The following CNKSR3 variants were observed in gnomAD, a reference collection of about 807,000 sequenced individuals.
CNKSR3 encodes connector enhancer of kinase suppressor of ras 3.
CNKSR3 carries 36 observed loss-of-function variants against 67.7 expected under a neutral mutation model. The observed-to-expected ratio is 0.53, with a 90% CI of 0.41 to 0.70. CNKSR3 has a LOEUF of 0.70. CNKSR3 is among the 30% of genes least tolerant of loss of function. The probability of loss-of-function intolerance (pLI) is 0.00; values close to 1 mark genes in which losing one functional copy is unlikely to be tolerated. For missense variants in CNKSR3, 630 were observed against 695.2 expected (o/e 0.91, Z 1.05); for synonymous variants, 281 against 271.4 (o/e 1.04, Z -0.35).
At chr6:154,496,988 G>A (rs1213188192) in intron 1 of CNKSR3, among the ~76,000 whole-genome samples, 1 of 152,116 alleles carries the variant, frequency 6.6e-6, no homozygotes, top group Non-Finnish European at 1.5e-5. Flanking sequence ...TTAACTCTAA[G>A]ATGAAGATGA....
intron 9 of CNKSR3, among the ~76,000 whole-genome samples, chr6:154,419,104 A>G (rs970234632): frequency 6.7e-6 from 1 of 150,212 alleles, no homozygotes; most frequent in African/African-American, 2.5e-5. Context: ...CGGTGGTACA[A>G]TCAAGGCTCA....
chr6:154,492,997 AC>A (rs200163284), intron 1 of CNKSR3, among the ~76,000 whole-genome samples: 1,940 of 152,052 alleles, frequency 0.013, 43 homozygotes, highest in African/African-American at 0.045. Flanking sequence ...CCCTGATCCC[AC>A]CCTTGCAAAG....
chr6:154,437,754 G>GCGCTTGT (rs747424825), intron 4 of CNKSR3, among the ~76,000 whole-genome samples: 9,728 of 151,928 alleles, frequency 0.064, 317 homozygotes, highest in African/African-American at 0.077. Flanking sequence ...CTTGTCAAGA[G>GCGCTTGT]CACTTGTCAA....
intron 1 of CNKSR3, among the ~76,000 whole-genome samples, chr6:154,464,907 C>A (rs983213734): frequency 6.6e-6 from 1 of 151,404 alleles, no homozygotes; most frequent in African/African-American, 2.4e-5. Context: ...TTTGGGAAGC[C>A]AAGGTGGGTG....
At position 154,390,699 on chromosome 6, in the gene CNKSR3, A is replaced by G. The variant is rs1005543579; in HGVS notation, c.*15655T>C. 6.6e-6 allele frequency: 1 copy of G among 151,936 alleles called. No individual in the cohort carries two copies. The highest frequency in any genetic ancestry group is 2.4e-5 in the African/African-American group (1 of 41,316). The allele number at this position is 151,936 out of a possible 1,614,324, so 9.4% of individuals were successfully genotyped here. A position where few individuals can be genotyped will look rare whatever the true frequency, so the allele number is the denominator to read the frequency against. On this transcript the variant is annotated 3_prime_UTR_variant, in exon 13 of 13. Transcript: ENST00000607772. ...TTTGTTGGGGCTGCCATAACAAAAT[A>G]CCACAGACTGGGTAGCTTAAACAAC...
intron 1 of CNKSR3, among the ~76,000 whole-genome samples, chr6:154,468,607 C>T (rs537653916): frequency 2.6e-5 from 4 of 152,216 alleles, no homozygotes; most frequent in African/African-American, 7.2e-5. Context: ...AATTAGGGAT[C>T]TCATCTGTCT....
In CNKSR3 at chr6:154,398,002, A is replaced by G. The variant is rs186962740; in HGVS notation, c.*8352T>C. 1.3e-5 allele frequency: 2 copies of G among 152,424 alleles called. No homozygotes were observed. The highest frequency in any genetic ancestry group is 3.9e-4 in the East Asian group (2 of 5,192). 9.4% of individuals were successfully genotyped at this position (152,424 alleles called of 1,614,324 possible). ...ATGGTCTCTGTCCTCAGGGCATTGC[A>G]ACCCATTAGGCTGAATCATATGAAC... On this transcript the variant is annotated 3_prime_UTR_variant, in exon 13 of 13. Coordinates refer to ENST00000607772, the MANE Select transcript of CNKSR3 (RefSeq NM_173515.4).
intron 2 of CNKSR3, among the ~76,000 whole-genome samples, chr6:154,448,697 C>T (rs1785761087): frequency 6.6e-6 from 1 of 152,166 alleles, no homozygotes. Context: ...GCTCATTTAT[C>T]AACTACAAAT....
At chr6:154,452,278 C>T (rs181370105) in intron 1 of CNKSR3, among the ~76,000 whole-genome samples, 10 of 152,302 alleles carry the variant, frequency 6.6e-5, no homozygotes, top group South Asian at 4.1e-4. Flanking sequence ...TGCATTTTCT[C>T]GCAAACACGA....
At position 154,424,309 on chromosome 6, in the gene CNKSR3, T is replaced by C. The variant is rs1008444203; in HGVS notation, c.730-1326A>G. On this transcript the variant is annotated intron_variant, in intron 7 of 12. Transcript: ENST00000607772. Reference sequence around the variant, plus strand: ...TTTGTCAAATATTTTGCTCATGGTGTTCTTGTTCATATCAGCCACCTAGCC... The same window carrying C: ...TTTGTCAAATATTTTGCTCATGGTGCTCTTGTTCATATCAGCCACCTAGCC... Among the ~76,000 whole-genome samples the C allele has an allele frequency of 9.9e-5, 15 of 152,218 alleles. 2 individuals carry two copies. Among genetic ancestry groups the C allele is most frequent in the Admixed American group, 1.3e-4 (2 of 15,280 alleles).
At position 154,510,137 on chromosome 6, in the gene CNKSR3, T is replaced by G. The variant is rs1261095068; in HGVS notation, c.-23A>C. 6.2e-7 allele frequency: 1 copy of G among 1,613,960 alleles called. No individual in the cohort carries two copies. The highest frequency in any genetic ancestry group is 8.5e-7 in the Non-Finnish European group (1 of 1,179,880). ...CATGGTAAACCGCTTCGCCTCTCGC[T>G]GGGCTGGAGAGTCGCAGATAAAGTG... On this transcript the variant is annotated 5_prime_UTR_variant, in exon 1 of 13. Coordinates refer to ENST00000607772, the MANE Select transcript of CNKSR3 (RefSeq NM_173515.4).
At chr6:154,473,151 A>G (rs919952441) in intron 1 of CNKSR3, among the ~76,000 whole-genome samples, 2 of 152,244 alleles carry the variant, frequency 1.3e-5, no homozygotes, top group Non-Finnish European at 2.9e-5. Context: ...TCAAAGTCAC[A>G]CAGCTAATCT....
chr6:154,457,600 A>T (rs1341457808), intron 1 of CNKSR3, among the ~76,000 whole-genome samples: 2 of 152,078 alleles, frequency 1.3e-5, no homozygotes, highest in Non-Finnish European at 2.9e-5. Flanking sequence ...AATCCCAGCT[A>T]CAGGCGTTCT....
At chr6:154,478,806 C>T (rs1423555088) in intron 1 of CNKSR3, among the ~76,000 whole-genome samples, 2 of 152,166 alleles carry the variant, frequency 1.3e-5, no homozygotes, top group African/African-American at 2.4e-5. Flanking sequence ...CCATGTATCA[C>T]GGCACATGAA....
chr6:154,420,814 G>A (rs1161832395), intron 9 of CNKSR3, among the ~76,000 whole-genome samples: 2 of 151,620 alleles, frequency 1.3e-5, no homozygotes, highest in Non-Finnish European at 2.9e-5. Context: ...GGTAATAAAC[G>A]TATTAATGAG....
At chr6:154,494,683 G>A (rs751104965) in intron 1 of CNKSR3, among the ~76,000 whole-genome samples, 5 of 152,026 alleles carry the variant, frequency 3.3e-5, no homozygotes, top group Non-Finnish European at 7.4e-5. Flanking sequence ...TAAGAAAACA[G>A]GCCACCCTTC....
chr6:154,506,661 G>T (rs1245441637), intron 1 of CNKSR3, among the ~76,000 whole-genome samples: 1 of 152,242 alleles, frequency 6.6e-6, no homozygotes, highest in Non-Finnish European at 1.5e-5. Flanking sequence ...GAACAAGATG[G>T]CAGCGCCATG....
rs1184455304 is a variant in CNKSR3 at position 154,398,812 on chromosome 6, T to C, written c.*7542A>G. 3 of 152,272 alleles carry C rather than the reference T, an allele frequency of 2.0e-5. No individual in the cohort carries two copies. Among genetic ancestry groups the C allele is most frequent in the Non-Finnish European group, 4.4e-5 (3 of 68,064 alleles). The allele number at this position is 152,272 out of a possible 1,614,324, so 9.4% of individuals were successfully genotyped here. A position where few individuals can be genotyped will look rare whatever the true frequency, so the allele number is the denominator to read the frequency against. On this transcript the variant is annotated 3_prime_UTR_variant, in exon 13 of 13. Transcript: ENST00000607772. ...AAAGAATACTCTAGGCGGGGCGCAGTGGCTCACGCCTGTAATCCCAACACT... is the reference window on the plus strand; with the variant it reads ...AAAGAATACTCTAGGCGGGGCGCAGCGGCTCACGCCTGTAATCCCAACACT...
chr6:154,433,764 A>C (rs1785416578), intron 4 of CNKSR3: 1 of 367,214 alleles, frequency 2.7e-6, no homozygotes, highest in South Asian at 8.3e-5. Flanking sequence ...CCAATTACTT[A>C]ATTTGAAAAC....
Sources: allele counts gnomAD v4.1 joint callset (sites outside exome capture counted in the v4.1 genomes callset), GRCh38; gene constraint gnomAD v4.1.1; transcripts MANE v1.5; gene names NCBI Gene and HGNC (gene_info 2026-07-23, HGNC 2026-07-21).